The following CLIC5 variants were observed in gnomAD, a reference collection of about 807,000 sequenced individuals.
CLIC5 encodes chloride intracellular channel protein 5.
A neutral mutation model predicts 24.7 loss-of-function variants in CLIC5; 20 were observed. The observed-to-expected ratio is 0.81, with a 90% confidence interval of 0.57 to 1.18. The LOEUF (loss-of-function observed/expected upper bound fraction) is 1.18. Among genes scored for constraint, CLIC5 ranks in the 50% most tolerant of loss-of-function variants. The pLI, the probability that CLIC5 is intolerant of heterozygous loss-of-function variation, is 0.00. For synonymous variants in CLIC5, 159 were observed against 135.6 expected (o/e 1.17, Z -1.20); for missense variants, 341 against 326.1 (o/e 1.05, Z -0.35).
At chr6:45,945,913 C>T (rs1487911039) in intron 3 of CLIC5, among the ~76,000 whole-genome samples, 1 of 152,216 alleles carries the variant, frequency 6.6e-6, no homozygotes, top group Non-Finnish European at 1.5e-5. Context: ...AAATGACATG[C>T]TGTGTAAATA....
At chr6:45,912,206 T>C in intron 5 of CLIC5, 1 of 987,586 alleles carries the variant, frequency 1.0e-6, no homozygotes, top group Non-Finnish European at 1.2e-6. Context: ...TTGTGAACTT[T>C]AGAGGTTTGC....
chr6:45,903,923 A>T (rs1208682610), intron 5 of CLIC5, among the ~76,000 whole-genome samples: 3 of 152,174 alleles, frequency 2.0e-5, no homozygotes, highest in Non-Finnish European at 4.4e-5. Flanking sequence ...AGCAAGTTAG[A>T]TATTGGAATG....
chr6:46,032,970 T>C (rs1309405883), intron 1 of CLIC5, among the ~76,000 whole-genome samples: 1 of 148,486 alleles, frequency 6.7e-6, no homozygotes. Flanking sequence ...GGGTAGGGCC[T>C]GGAAATCTAC....
chr6:45,900,531 C>CCAAAAAAAA lies in CLIC5; in HGVS notation c.*2556_*2557insTTTTTTTTG, dbSNP rs1554142711. 7.8e-6 allele frequency: 1 copy of CCAAAAAAAA among 128,772 alleles called. No homozygotes were observed. The highest frequency in any genetic ancestry group is 1.6e-5 in the Non-Finnish European group (1 of 62,000). 8.0% of individuals were successfully genotyped at this position (128,772 alleles called of 1,614,324 possible). A position where few individuals can be genotyped will look rare whatever the true frequency, so the allele number is the denominator to read the frequency against. Reference sequence around the variant, plus strand: ...ATCTGGAGAAAGATCTCTTTTGAAACAAAAAAAAAAAGGAAGGTAATATTA... The same window carrying CCAAAAAAAA: ...ATCTGGAGAAAGATCTCTTTTGAAACCAAAAAAAAAAAAAAAAAAAGGAAGGTAATATTA... On this transcript the variant is annotated 3_prime_UTR_variant, in exon 6 of 6. Transcript: ENST00000339561.
At chr6:45,929,556 G>T (rs1203686758) in intron 4 of CLIC5, among the ~76,000 whole-genome samples, 3 of 152,262 alleles carry the variant, frequency 2.0e-5, no homozygotes, top group Non-Finnish European at 4.4e-5. Flanking sequence ...GCAGCCTGAA[G>T]GGTCCCTTTG....
rs145112653 is a variant in CLIC5, at chr6:46,010,663, G to T, written c.63+4817C>A. On this transcript the variant is annotated intron_variant, in intron 1 of 5. Coordinates refer to ENST00000339561, the MANE Select transcript of CLIC5 (RefSeq NM_016929.5). ...GGAGCTCTCAACACTGGCAGTGGAC[G>T]TCAGCTTCTGCAGACCCAGTCCTCA... 2.0e-5 allele frequency among the ~76,000 whole-genome samples: 3 copies of T among 152,288 alleles called. No individual in the cohort carries two copies. The South Asian group carries it at 6.2e-4, about 32-fold the overall frequency.
the CLIC5 span, among the ~76,000 whole-genome samples, chr6:46,112,869 C>T: frequency 2.2e-4 from 33 of 152,214 alleles, no homozygotes; most frequent in Non-Finnish European, 4.1e-4. Flanking sequence ...ACAGCCTGGC[C>T]AACATGGTGA....
At chr6:45,941,850 T>C (rs555778924) in intron 3 of CLIC5, among the ~76,000 whole-genome samples, 197 bp from the exon 4 acceptor site, 1 of 152,234 alleles carries the variant, frequency 6.6e-6, no homozygotes, top group South Asian at 2.1e-4. Context: ...CAGAGGCCAG[T>C]GAGGTGCTGA....
intron 5 of CLIC5, among the ~76,000 whole-genome samples, chr6:45,910,316 A>T (rs375419073): frequency 7.9e-5 from 12 of 152,154 alleles, no homozygotes; most frequent in South Asian, 2.1e-4. Context: ...ATCTCTAAAT[A>T]ATCCTATAAG....
At chr6:45,986,484 C>A (rs1765742116) in intron 1 of CLIC5, among the ~76,000 whole-genome samples, 1 of 152,128 alleles carries the variant, frequency 6.6e-6, no homozygotes, top group South Asian at 2.1e-4. Flanking sequence ...GTGATGTCTG[C>A]AAATGGAAAG....
intron 1 of CLIC5, among the ~76,000 whole-genome samples, chr6:46,000,221 AC>A (rs1404076967): frequency 2.0e-5 from 3 of 152,218 alleles, no homozygotes; most frequent in African/African-American, 7.2e-5. Flanking sequence ...CAAAAGTTAC[AC>A]ATGGATTTTC....
At chr6:46,034,876 G>T (rs1767618139) in intron 1 of CLIC5, among the ~76,000 whole-genome samples, 1 of 152,184 alleles carries the variant, frequency 6.6e-6, no homozygotes, top group African/African-American at 2.4e-5. Context: ...AGAGAAGGGT[G>T]ACTACTAAGG....
chr6:46,069,469 G>T (rs1441899553), intron 1 of CLIC5, among the ~76,000 whole-genome samples: 1 of 151,972 alleles, frequency 6.6e-6, no homozygotes, highest in Non-Finnish European at 1.5e-5. Flanking sequence ...GAAGAAAATT[G>T]ATAAATTCCT....
At chr6:46,116,051 C>T in the CLIC5 span, among the ~76,000 whole-genome samples, 6 of 152,096 alleles carry the variant, frequency 3.9e-5, no homozygotes, top group Admixed American at 2.6e-4. Flanking sequence ...AGAGTGGGGC[C>T]CTGACCCCAT....
At chr6:46,103,959 CTG>C in the CLIC5 span, among the ~76,000 whole-genome samples, 1 of 152,104 alleles carries the variant, frequency 6.6e-6, no homozygotes, top group Non-Finnish European at 1.5e-5. Flanking sequence ...GTAAAAAGCA[CTG>C]TTTCTTTTTC....
the CLIC5 span, among the ~76,000 whole-genome samples, chr6:46,110,824 T>C: frequency 0.04 from 6,052 of 152,320 alleles, 152 homozygotes; most frequent in Middle Eastern, 0.058. Flanking sequence ...TTCATGATTT[T>C]CTCCAGCAAA....
At chr6:46,002,281 T>C (rs962940100) in intron 1 of CLIC5, among the ~76,000 whole-genome samples, 2 of 152,218 alleles carry the variant, frequency 1.3e-5, no homozygotes, top group African/African-American at 4.8e-5. Context: ...GCCATACATA[T>C]CTGTAAATGA....
chr6:46,058,577 T>A (rs1261234668), intron 1 of CLIC5, among the ~76,000 whole-genome samples: 3 of 152,228 alleles, frequency 2.0e-5, no homozygotes, highest in South Asian at 4.1e-4. Context: ...ATGTCTGGAA[T>A]ATGTGCAAAG....
At chr6:46,079,651 C>G (rs1762871085) in intron 1 of CLIC5, 4 of 1,437,346 alleles carry the variant, frequency 2.8e-6, no homozygotes, top group Non-Finnish European at 1.9e-6. Flanking sequence ...AAATAAAACA[C>G]CAGCCATAAT....
Sources: allele counts gnomAD v4.1 joint callset (sites outside exome capture counted in the v4.1 genomes callset), GRCh38; gene constraint gnomAD v4.1.1; transcripts MANE v1.5; gene names NCBI Gene and HGNC (gene_info 2026-07-23, HGNC 2026-07-21).